The following GSK3B variants were observed in gnomAD, a reference collection of about 807,000 sequenced individuals.
GSK3B encodes the protein glycogen synthase kinase-3 beta.
GSK3B carries 15 observed loss-of-function variants against 56.4 expected under a neutral mutation model. That is an observed-to-expected ratio of 0.27 (90% CI 0.18 to 0.41). The LOEUF (loss-of-function observed/expected upper bound fraction) is 0.41. GSK3B is among the 10% of genes least tolerant of loss of function. The pLI is 1.00. For missense variants in GSK3B, 300 were observed against 513.4 expected (o/e 0.58, Z 4.02); for synonymous variants, 181 against 188.9 (o/e 0.96, Z 0.34).
intron 1 of GSK3B, among the ~76,000 whole-genome samples, chr3:120,005,111 T>G (rs893995315): frequency 2.6e-5 from 4 of 151,764 alleles, no homozygotes; most frequent in Non-Finnish European, 4.4e-5. Flanking sequence ...AACCAGAGTA[T>G]GAGAACATGG....
chr3:119,864,917 A>C (rs1280100045), intron 8 of GSK3B, among the ~76,000 whole-genome samples: 1 of 152,206 alleles, frequency 6.6e-6, no homozygotes, highest in African/African-American at 2.4e-5. Context: ...GAAAGGCCTT[A>C]GTCAATTTCT....
intron 1 of GSK3B, among the ~76,000 whole-genome samples, chr3:120,054,064 A>C (rs971253232): frequency 1.6e-4 from 25 of 152,254 alleles, no homozygotes; most frequent in Admixed American, 1.6e-3. Context: ...ACTGATATTC[A>C]TGGTAGCTGA....
Position 119,826,778 on chromosome 3 carries a change from T to G in GSK3B, c.*10A>C, listed in dbSNP as rs750209798. The G allele has an allele frequency of 1.0e-5, 16 of 1,598,212 alleles. No homozygotes were observed. In the South Asian group the frequency reaches 1.8e-4, roughly 18 times the overall value. ...TGGTTTTTCCTGTGCAGCTGGCTGC[T>G]CGGGACTGTTCAGGTGGAGTTGGAA... On this transcript the variant is annotated 3_prime_UTR_variant, in exon 11 of 11. Coordinates refer to ENST00000264235, the MANE Select transcript of GSK3B (RefSeq NM_001146156.2).
At chr3:120,006,688 C>T (rs1008770947) in intron 1 of GSK3B, among the ~76,000 whole-genome samples, 3 of 152,040 alleles carry the variant, frequency 2.0e-5, no homozygotes, top group Non-Finnish European at 4.4e-5. Flanking sequence ...GAAATTAAGA[C>T]AGAAAGAAAT....
chr3:119,885,809 T>C (rs1256066431), intron 7 of GSK3B, among the ~76,000 whole-genome samples: 1 of 152,130 alleles, frequency 6.6e-6, no homozygotes, highest in Non-Finnish European at 1.5e-5. Flanking sequence ...AAGGATTCCC[T>C]ATTCAATAAA....
intron 2 of GSK3B, among the ~76,000 whole-genome samples, chr3:119,974,296 A>G (rs1192305520): frequency 6.6e-6 from 1 of 152,218 alleles, no homozygotes; most frequent in Non-Finnish European, 1.5e-5. Flanking sequence ...AAGGCTTGCT[A>G]TGGTCTGAAT....
chr3:120,035,054 C>T (rs941674418), intron 1 of GSK3B, among the ~76,000 whole-genome samples: 3 of 152,012 alleles, frequency 2.0e-5, no homozygotes, highest in African/African-American at 7.3e-5. Flanking sequence ...GATCGTGCCA[C>T]TGCACTCCAG....
At chr3:120,029,126 A>G in intron 1 of GSK3B, 5 of 723,432 alleles carry the variant, frequency 6.9e-6, no homozygotes, top group Non-Finnish European at 1.2e-5. Context: ...GTCCAGAGTT[A>G]TTTTGATGAT....
intron 2 of GSK3B, among the ~76,000 whole-genome samples, chr3:119,972,756 T>C (rs1314226062): frequency 2.6e-5 from 4 of 152,154 alleles, no homozygotes; most frequent in African/African-American, 9.7e-5. Flanking sequence ...TTTACTGTTC[T>C]GTGATATGGA....
intron 9 of GSK3B, among the ~76,000 whole-genome samples, chr3:119,862,597 A>G (rs960475306): frequency 1.3e-5 from 2 of 150,808 alleles, no homozygotes; most frequent in Admixed American, 6.6e-5. Context: ...TGGTCACATA[A>G]AACTCTACAT....
At chr3:120,082,456 G>C (rs941773239) in intron 1 of GSK3B, among the ~76,000 whole-genome samples, 10 of 141,936 alleles carry the variant, frequency 7.0e-5, no homozygotes, top group South Asian at 2.2e-4. Flanking sequence ...GAGTGCAGTG[G>C]CACAATCTCG....
chr3:119,934,449 A>T (rs1351230951), intron 3 of GSK3B, among the ~76,000 whole-genome samples: 2 of 152,250 alleles, frequency 1.3e-5, no homozygotes, highest in African/African-American at 4.8e-5. Context: ...AACTGTCGAG[A>T]TCATCAAAAC....
rs2055454012 is a variant in GSK3B, at chr3:119,823,860, G to A, written c.*2928C>T. 1 of 201,204 alleles carries A rather than the reference G, an allele frequency of 5.0e-6. No homozygotes were observed. The highest frequency in any genetic ancestry group is 6.0e-5 in the Admixed American group (1 of 16,704). The allele number at this position is 201,204 out of a possible 1,614,324, so 12.5% of individuals were successfully genotyped here. A position where few individuals can be genotyped will look rare whatever the true frequency, so the allele number is the denominator to read the frequency against. On this transcript the variant is annotated 3_prime_UTR_variant, in exon 11 of 11. Coordinates refer to ENST00000264235, the MANE Select transcript of GSK3B (RefSeq NM_001146156.2). ...AGTGAGTTATTATTTCAAAGGGAAAGGGGGTGGACAGGGAGACATGGATAA... is the reference window on the plus strand; with the variant it reads ...AGTGAGTTATTATTTCAAAGGGAAAAGGGGTGGACAGGGAGACATGGATAA...
At chr3:119,986,356 C>A (rs1471603834) in intron 2 of GSK3B, among the ~76,000 whole-genome samples, 1 of 152,104 alleles carries the variant, frequency 6.6e-6, no homozygotes, top group African/African-American at 2.4e-5. Flanking sequence ...AACTGAAGAA[C>A]TTCTGCACGG....
At chr3:119,855,181 A>C (rs531793550) in intron 9 of GSK3B, among the ~76,000 whole-genome samples, 1 of 152,334 alleles carries the variant, frequency 6.6e-6, no homozygotes, top group South Asian at 2.1e-4. Flanking sequence ...TTATGTATCC[A>C]GTAGTCATAA....
intron 1 of GSK3B, among the ~76,000 whole-genome samples, chr3:120,044,259 T>G (rs919641441): frequency 6.6e-6 from 1 of 152,200 alleles, no homozygotes; most frequent in South Asian, 2.1e-4. Flanking sequence ...CTTGTGTCTC[T>G]CACGGAATGG....
chr3:120,072,295 C>T lies in GSK3B; in HGVS notation c.88+21052G>A, dbSNP rs1274559988. On this transcript the variant is annotated intron_variant, in intron 1 of 10. Coordinates refer to ENST00000264235, the MANE Select transcript of GSK3B (RefSeq NM_001146156.2). ...ATCTTCGGCCGGGCACGGTAGCTTA[C>T]GCCTGTAATCCCAGCACCTTGGGAG... 4.6e-5 allele frequency among the ~76,000 whole-genome samples: 7 copies of T among 152,158 alleles called. No homozygotes were observed. In the South Asian group the frequency reaches 8.3e-4, roughly 18 times the overall value.
intron 1 of GSK3B, among the ~76,000 whole-genome samples, chr3:120,083,265 A>G (rs1380954504): frequency 6.6e-6 from 1 of 152,196 alleles, no homozygotes; most frequent in African/African-American, 2.4e-5. Context: ...ATTTAGAGAT[A>G]TGGGATCCAG....
intron 7 of GSK3B, among the ~76,000 whole-genome samples, chr3:119,891,149 T>C (rs1460585209): frequency 1.3e-5 from 2 of 151,780 alleles, no homozygotes; most frequent in Non-Finnish European, 1.5e-5. Context: ...GGAAAGGTTC[T>C]GGAAGGGGAG....
Sources: allele counts gnomAD v4.1 joint callset (sites outside exome capture counted in the v4.1 genomes callset), GRCh38; gene constraint gnomAD v4.1.1; transcripts MANE v1.5; gene names NCBI Gene and HGNC (gene_info 2026-07-23, HGNC 2026-07-21).